The following ADRA2C variants were observed in gnomAD, a reference collection of about 807,000 sequenced individuals.
ADRA2C encodes adrenoceptor alpha 2C.
Under a neutral mutation model 7.9 loss-of-function variants are expected in ADRA2C, and 4 were observed. That is an observed-to-expected ratio of 0.51 (90% CI 0.25 to 1.16). The LOEUF (loss-of-function observed/expected upper bound fraction) is 1.16. Ranked by LOEUF, ADRA2C falls within the 50% of genes most tolerant of loss-of-function variation. The pLI is 0.15. For synonymous variants in ADRA2C, 368 were observed against 328.9 expected (o/e 1.12, Z -1.29); for missense variants, 589 against 677.7 (o/e 0.87, Z 1.45).
chr4:3,768,060 A>G lies in ADRA2C; in HGVS notation c.*65A>G. ...GGGCTGGGCAGAAGGGGCGGCCCGG[A>G]CGGGGGAGCTTTCCCAGAGACCCGG... On this transcript the variant is annotated 3_prime_UTR_variant, in exon 1 of 1. Coordinates refer to ENST00000330055, the MANE Select transcript of ADRA2C (RefSeq NM_000683.4). 1 of 237,330 alleles carries G rather than the reference A, an allele frequency of 4.2e-6. No individual in the cohort carries two copies. The highest frequency in any genetic ancestry group is 1.2e-4 in the African/African-American group (1 of 8,172). 14.7% of individuals were successfully genotyped at this position (237,330 alleles called of 1,614,324 possible). A position where few individuals can be genotyped will look rare whatever the true frequency, so the allele number is the denominator to read the frequency against.
Position 3,768,003 on chromosome 4 carries a change from C to G in ADRA2C, c.*8C>G. 1.2e-6 allele frequency: 2 copies of G among 1,602,244 alleles called. No homozygotes were observed. The highest frequency in any genetic ancestry group is 2.2e-5 in the South Asian group (2 of 89,908). Reference sequence around the variant, plus strand: ...AGGGGCTTCAGGCAGTGACTCGCACCCGTCTGGGAATCCTGGACAGCTCCG... The same window carrying G: ...AGGGGCTTCAGGCAGTGACTCGCACGCGTCTGGGAATCCTGGACAGCTCCG... On this transcript the variant is annotated 3_prime_UTR_variant, in exon 1 of 1. Coordinates refer to ENST00000330055, the MANE Select transcript of ADRA2C (RefSeq NM_000683.4).
In ADRA2C at chr4:3,768,244, G is replaced by C. The variant is rs1735505119; in HGVS notation, c.*249G>C. 4.2e-6 allele frequency: 3 copies of C among 718,108 alleles called. No individual in the cohort carries two copies. The highest frequency in any genetic ancestry group is 7.8e-6 in the Non-Finnish European group (3 of 385,880). 44.5% of individuals were successfully genotyped at this position (718,108 alleles called of 1,614,324 possible). ...TTCTGGGGCTCCCTGCCTGGATCCA[G>C]CTCTGGGAGCCCTGCCGAGGTGTGG... On this transcript the variant is annotated 3_prime_UTR_variant, in exon 1 of 1. Transcript: ENST00000330055.
In ADRA2C at chr4:3,766,845, G is replaced by A. The variant is rs772009542; in HGVS notation, c.239G>A (p.Arg80Gln). 1.9e-6 allele frequency: 3 copies of A among 1,592,110 alleles called. No homozygotes were observed. In the South Asian group the frequency reaches 3.4e-5, roughly 18 times the overall value. Residue 80 changes from arginine to glutamine, a missense_variant, in exon 1 of 1, where the codon CGG becomes CAG. Arg to Gln is a conservative substitution (Grantham distance 43, BLOSUM62 1). Coordinates refer to ENST00000330055, the MANE Select transcript of ADRA2C (RefSeq NM_000683.4). The surrounding 1 kb of genome is among the most constrained non-coding windows in gnomAD (Gnocchi z 4.5). ...GTGGTGATCGCCGTGCTGACCAGCC[G>A]GGCGCTGCGCGCGCCACAGAACCTC... The part of the protein sequence containing the change: ...VLVVIAVLTS[R>Q]ALRAPQNLFL...
At position 3,767,992 on chromosome 4, in the gene ADRA2C, G is replaced by C; in HGVS notation, c.1386G>C (p.Gln462His). 6.2e-7 allele frequency: 1 copy of C among 1,604,806 alleles called. No individual in the cohort carries two copies. The highest frequency in any genetic ancestry group is 1.1e-5 in the South Asian group (1 of 90,592). ...GACGGAGGAGAAGGGGCTTCAGGCA[G>C]TGACTCGCACCCGTCTGGGAATCCT... ...LFRRRRRGFRQ is the reference protein window; with the variant it reads ...LFRRRRRGFRH Residue 462 changes from glutamine to histidine, a missense_variant, in exon 1 of 1, where the codon CAG becomes CAC. Physicochemically the swap from Gln to His is conservative, Grantham distance 24. Transcript: ENST00000330055.
chr4:3,768,059 G>C lies in ADRA2C; in HGVS notation c.*64G>C. ...GGGGCTGGGCAGAAGGGGCGGCCCG[G>C]ACGGGGGAGCTTTCCCAGAGACCCG... On this transcript the variant is annotated 3_prime_UTR_variant, in exon 1 of 1. Transcript: ENST00000330055. The C allele has an allele frequency of 7.6e-6, 2 of 261,772 alleles. No homozygotes were observed. The highest frequency in any genetic ancestry group is 1.2e-5 in the Non-Finnish European group (2 of 173,598). The allele number at this position is 261,772 out of a possible 1,614,324, so 16.2% of individuals were successfully genotyped here.
Position 3,768,061 on chromosome 4 carries a change from C to T in ADRA2C, c.*66C>T, listed in dbSNP as rs566019494. On this transcript the variant is annotated 3_prime_UTR_variant, in exon 1 of 1. Coordinates refer to ENST00000330055, the MANE Select transcript of ADRA2C (RefSeq NM_000683.4). The stretch of plus-strand genomic sequence containing the variant: ...GGCTGGGCAGAAGGGGCGGCCCGGA[C>T]GGGGGAGCTTTCCCAGAGACCCGGG... 548 of 1,557,126 alleles carry T rather than the reference C, an allele frequency of 3.5e-4. No homozygotes were observed. Among genetic ancestry groups the T allele is most frequent in the Non-Finnish European group, 4.1e-4 (473 of 1,147,878 alleles).
chr4:3,766,644 C>T lies in ADRA2C; in HGVS notation c.38C>T (p.Ala13Val). 4 of 1,225,124 alleles carry T rather than the reference C, an allele frequency of 3.3e-6. No individual in the cohort carries two copies. Among genetic ancestry groups the T allele is most frequent in the Non-Finnish European group, 4.1e-6 (4 of 985,428 alleles). 75.9% of individuals were successfully genotyped at this position (1,225,124 alleles called of 1,614,324 possible). ...GCGCTGGCGGCGGCGCTGGCGGTGGCGGCAGCGGCGGGCCCCAATGCGAGC... is the reference window on the plus strand; with the variant it reads ...GCGCTGGCGGCGGCGCTGGCGGTGGTGGCAGCGGCGGGCCCCAATGCGAGC... ...SPALAAALAV[A>V]AAAGPNASGA... Residue 13 changes from alanine to valine, a missense_variant, in exon 1 of 1, where the codon GCG (alanine) becomes GTG (valine). Coordinates refer to ENST00000330055, the MANE Select transcript of ADRA2C (RefSeq NM_000683.4). The surrounding 1 kb of genome is among the most constrained non-coding windows in gnomAD (Gnocchi z 4.5).
Position 3,767,533 on chromosome 4 carries a change from G to A in ADRA2C, c.927G>A (p.Ala309=). 5 of 1,014,962 alleles carry A rather than the reference G, an allele frequency of 4.9e-6. No individual in the cohort carries two copies. Among genetic ancestry groups the A allele is most frequent in the Non-Finnish European group, 5.9e-6 (5 of 850,922 alleles). 62.9% of individuals were successfully genotyped at this position (1,014,962 alleles called of 1,614,324 possible). A position where few individuals can be genotyped will look rare whatever the true frequency, so the allele number is the denominator to read the frequency against. The change falls in exon 1 of 1, where the codon GCG becomes GCA. Residue 309 remains alanine, a synonymous_variant. Transcript: ENST00000330055. ...GALRRGGRRR[A]GAEGGAGGAD... is the part of the protein sequence containing the mutation. ...TGCGGCGGGGCGGGCGGCGGCGAGC[G>A]GGCGCGGAGGGGGGCGCGGGCGGTG... is the stretch of plus-strand genomic sequence containing the variant.
Position 3,768,062 on chromosome 4 carries a change from G to GGGGGAGCTTTCCCAGAGACAC in ADRA2C, c.*86_*87insACGGGGAGCTTTCCCAGAGAC. ...GCTGGGCAGAAGGGGCGGCCCGGAC[G>GGGGGAGCTTTCCCAGAGACAC]GGGGAGCTTTCCCAGAGACCCGGGG... On this transcript the variant is annotated 3_prime_UTR_variant, in exon 1 of 1. Transcript: ENST00000330055. The GGGGGAGCTTTCCCAGAGACAC allele has an allele frequency of 2.6e-6, 3 of 1,157,756 alleles. No homozygotes were observed. Among genetic ancestry groups the GGGGGAGCTTTCCCAGAGACAC allele is most frequent in the South Asian group, 1.9e-5 (1 of 52,200 alleles). The allele number at this position is 1,157,756 out of a possible 1,614,324, so 71.7% of individuals were successfully genotyped here.
At position 3,766,642 on chromosome 4, in the gene ADRA2C, G is replaced by GGCGGCA; in HGVS notation, c.42_47dup (p.Ala15_Ala16dup). On this transcript the variant is annotated inframe_insertion, in exon 1 of 1. Transcript: ENST00000330055. This position sits in a 1 kb window ranked among gnomAD's most constrained non-coding sequence, Gnocchi z 4.5. ...CGGCGCTGGCGGCGGCGCTGGCGGT[G>GGCGGCA]GCGGCAGCGGCGGGCCCCAATGCGA... The GGCGGCA allele has an allele frequency of 8.2e-7, 1 of 1,222,468 alleles. No individual in the cohort carries two copies. The highest frequency in any genetic ancestry group is 1.0e-6 in the Non-Finnish European group (1 of 983,522). 75.7% of individuals were successfully genotyped at this position (1,222,468 alleles called of 1,614,324 possible). A position where few individuals can be genotyped will look rare whatever the true frequency, so the allele number is the denominator to read the frequency against.
At position 3,767,709 on chromosome 4, in the gene ADRA2C, G is replaced by A; in HGVS notation, c.1103G>A (p.Cys368Tyr). ...SRRRRARSSV[C>Y]RRKVAQAREK... ...CGGCGCCGGGCGCGCAGCAGCGTGT[G>A]CCGCCGCAAGGTGGCCCAGGCGCGC... The change falls in exon 1 of 1, where the codon TGC (cysteine) becomes TAC (tyrosine). Residue 368 changes from cysteine (C) to tyrosine (Y), a missense_variant. Coordinates refer to ENST00000330055, the MANE Select transcript of ADRA2C (RefSeq NM_000683.4). 2 of 1,609,340 alleles carry A rather than the reference G, an allele frequency of 1.2e-6. No homozygotes were observed. The highest frequency in any genetic ancestry group is 1.7e-6 in the Non-Finnish European group (2 of 1,178,426).
Position 3,766,813 on chromosome 4 carries a change from C to T in ADRA2C, c.207C>T (p.Asn69=). The part of the protein sequence containing the change: ...GFLIVFTVVG[N]VLVVIAVLTS... ...TCATCGTCTTCACCGTGGTGGGCAACGTGCTGGTGGTGATCGCCGTGCTGA... is the reference window on the plus strand; with the variant it reads ...TCATCGTCTTCACCGTGGTGGGCAATGTGCTGGTGGTGATCGCCGTGCTGA... Residue 69 remains asparagine (N), a synonymous_variant, in exon 1 of 1, where the codon AAC becomes AAT. Coordinates refer to ENST00000330055, the MANE Select transcript of ADRA2C (RefSeq NM_000683.4). This position sits in a 1 kb window ranked among gnomAD's most constrained non-coding sequence, Gnocchi z 4.5. 2 of 1,574,000 alleles carry T rather than the reference C, an allele frequency of 1.3e-6. No individual in the cohort carries two copies.
Position 3,768,095 on chromosome 4 carries a change from G to T in ADRA2C, c.*100G>T. ...TTTCCCAGAGACCCGGGGATGGATTGGCCTCCAGGGCGCAGGGGAGGGTGC... is the reference window on the plus strand; with the variant it reads ...TTTCCCAGAGACCCGGGGATGGATTTGCCTCCAGGGCGCAGGGGAGGGTGC... On this transcript the variant is annotated 3_prime_UTR_variant, in exon 1 of 1. Coordinates refer to ENST00000330055, the MANE Select transcript of ADRA2C (RefSeq NM_000683.4). 28 of 116,954 alleles carry T rather than the reference G, an allele frequency of 2.4e-4. No individual in the cohort carries two copies. Among genetic ancestry groups the T allele is most frequent in the Non-Finnish European group, 4.2e-4 (24 of 57,378 alleles). The allele number at this position is 116,954 out of a possible 1,614,324, so 7.2% of individuals were successfully genotyped here. A position where few individuals can be genotyped will look rare whatever the true frequency, so the allele number is the denominator to read the frequency against.
Position 3,766,792 on chromosome 4 carries a change from C to G in ADRA2C, c.186C>G (p.Ile62Met). 2.6e-6 allele frequency: 4 copies of G among 1,562,774 alleles called. No individual in the cohort carries two copies. The highest frequency in any genetic ancestry group is 3.5e-6 in the Non-Finnish European group (4 of 1,154,374). ...AGLAAVVGFL[I>M]VFTVVGNVLV... ...TGGCTGCCGTGGTGGGCTTCCTCAT[C>G]GTCTTCACCGTGGTGGGCAACGTGC... The change falls in exon 1 of 1, where the codon ATC (isoleucine) becomes ATG (methionine). Residue 62 changes from isoleucine to methionine, a missense_variant. Ile to Met is a conservative substitution (Grantham distance 10). Coordinates refer to ENST00000330055, the MANE Select transcript of ADRA2C (RefSeq NM_000683.4). The surrounding 1 kb of genome is among the most constrained non-coding windows in gnomAD (Gnocchi z 4.5).
In ADRA2C at chr4:3,767,106, G is replaced by A; in HGVS notation, c.500G>A (p.Arg167His). 6.2e-7 allele frequency: 1 copy of A among 1,609,448 alleles called. No homozygotes were observed. The highest frequency in any genetic ancestry group is 8.5e-7 in the Non-Finnish European group (1 of 1,179,876). ...VEYNLKRTPR[R>H]VKATIVAVWL... ...TACAACCTGAAGCGCACACCACGCC[G>A]CGTCAAGGCCACCATCGTGGCCGTG... Residue 167 changes from arginine (R) to histidine (H), a missense_variant, in exon 1 of 1, where the codon CGC (arginine) becomes CAC (histidine). Arg to His is a conservative substitution (Grantham distance 29). Transcript: ENST00000330055.
Position 3,767,542 on chromosome 4 carries a change from G to T in ADRA2C, c.936G>T (p.Glu312Asp). ...GCGGGCGGCGGCGAGCGGGCGCGGA[G>T]GGGGGCGCGGGCGGTGCGGACGGGC... ...RRGGRRRAGA[E>D]GGAGGADGQG... The change falls in exon 1 of 1, where the codon GAG (glutamate) becomes GAT (aspartate). Residue 312 changes from glutamate to aspartate, a missense_variant. Coordinates refer to ENST00000330055, the MANE Select transcript of ADRA2C (RefSeq NM_000683.4). The T allele has an allele frequency of 1.9e-6, 2 of 1,035,850 alleles. No homozygotes were observed. The highest frequency in any genetic ancestry group is 3.4e-5 in the African/African-American group (2 of 58,434). The allele number at this position is 1,035,850 out of a possible 1,614,324, so 64.2% of individuals were successfully genotyped here. A position where few individuals can be genotyped will look rare whatever the true frequency, so the allele number is the denominator to read the frequency against.
chr4:3,766,538 T>G lies in ADRA2C; in HGVS notation c.-69T>G, dbSNP rs1180756089. The G allele has an allele frequency of 9.6e-7, 1 of 1,043,972 alleles. No homozygotes were observed. The highest frequency in any genetic ancestry group is 1.7e-5 in the African/African-American group (1 of 57,722). The allele number at this position is 1,043,972 out of a possible 1,614,324, so 64.7% of individuals were successfully genotyped here. The stretch of plus-strand genomic sequence containing the variant: ...CGGCGATGCGGGCGCCGACCCCGGC[T>G]GGGGGGCGCCCGAGCTGCCGCGGCT... On this transcript the variant is annotated 5_prime_UTR_variant, in exon 1 of 1. Transcript: ENST00000330055. This position sits in a 1 kb window ranked among gnomAD's most constrained non-coding sequence, Gnocchi z 4.5.
rs1182557808 is a variant in ADRA2C at position 3,766,544 on chromosome 4, G to A, written c.-63G>A. The A allele has an allele frequency of 9.4e-7, 1 of 1,068,842 alleles. No individual in the cohort carries two copies. The highest frequency in any genetic ancestry group is 4.4e-5 in the South Asian group (1 of 22,768). 66.2% of individuals were successfully genotyped at this position (1,068,842 alleles called of 1,614,324 possible). A position where few individuals can be genotyped will look rare whatever the true frequency, so the allele number is the denominator to read the frequency against. On this transcript the variant is annotated 5_prime_UTR_variant, in exon 1 of 1. Coordinates refer to ENST00000330055, the MANE Select transcript of ADRA2C (RefSeq NM_000683.4). This position sits in a 1 kb window ranked among gnomAD's most constrained non-coding sequence, Gnocchi z 4.5. Reference sequence around the variant, plus strand: ...TGCGGGCGCCGACCCCGGCTGGGGGGCGCCCGAGCTGCCGCGGCTGCGCCC... The same window carrying A: ...TGCGGGCGCCGACCCCGGCTGGGGGACGCCCGAGCTGCCGCGGCTGCGCCC...
In ADRA2C at chr4:3,766,670, G is replaced by A; in HGVS notation, c.64G>A (p.Gly22Ser). Residue 22 changes from glycine to serine, a missense_variant, in exon 1 of 1, where the codon GGC (glycine) becomes AGC (serine). Transcript: ENST00000330055. This position sits in a 1 kb window ranked among gnomAD's most constrained non-coding sequence, Gnocchi z 4.5. The stretch of plus-strand genomic sequence containing the variant: ...GGCAGCGGCGGGCCCCAATGCGAGC[G>A]GCGCGGGCGAGAGGGGCAGCGGCGG... Reference protein sequence around the residue: ...VAAAAGPNASGAGERGSGGVA... With the variant: ...VAAAAGPNASSAGERGSGGVA... 1 of 1,310,208 alleles carries A rather than the reference G, an allele frequency of 7.6e-7. No individual in the cohort carries two copies. The highest frequency in any genetic ancestry group is 9.7e-7 in the Non-Finnish European group (1 of 1,035,988). 81.2% of individuals were successfully genotyped at this position (1,310,208 alleles called of 1,614,324 possible).
Sources: gnomAD v4.1 joint callset for allele counts on GRCh38, gnomAD v4.1.1 for gene constraint, Gnocchi (gnomAD v3.1) non-coding constraint, MANE v1.5 for transcripts, NCBI Gene and HGNC (gene_info 2026-07-23, HGNC 2026-07-21) for gene names.